BDKRB2: variants seen among roughly 807,000 people sequenced by gnomAD.
BDKRB2 encodes the protein B2 bradykinin receptor.
Under a neutral mutation model 4.0 loss-of-function variants are expected in BDKRB2, and 6 were observed. The observed-to-expected ratio is 1.49, with a 90% CI of 0.81 to 2.93. BDKRB2 has a LOEUF of 2.93. BDKRB2 is among the 30% of genes most tolerant of loss of function. The pLI is 0.00. For synonymous variants in BDKRB2, 225 were observed against 215.3 expected (o/e 1.05, Z -0.40); for missense variants, 478 against 520.1 (o/e 0.92, Z 0.79).
intron 1 of BDKRB2, among the ~76,000 whole-genome samples, chr14:96,205,594 G>A (rs1260634825): frequency 1.3e-5 from 2 of 152,188 alleles, no homozygotes; most frequent in Admixed American, 6.5e-5. Flanking sequence ...TGGCTGACCA[G>A]GGCAGGGGGA....
intron 1 of BDKRB2, among the ~76,000 whole-genome samples, chr14:96,220,454 G>A (rs1890531900): frequency 1.3e-5 from 2 of 152,086 alleles, no homozygotes; most frequent in African/African-American, 4.8e-5. Flanking sequence ...AAAATACAAG[G>A]AAGCTGACAG....
intron 1 of BDKRB2, among the ~76,000 whole-genome samples, chr14:96,208,689 A>T (rs990917117): frequency 6.6e-6 from 1 of 152,186 alleles, no homozygotes; most frequent in Non-Finnish European, 1.5e-5. Flanking sequence ...GGTGTCCAGA[A>T]AAAAGCCCTG....
At chr14:96,219,172 T>C (rs1339455139) in intron 1 of BDKRB2, among the ~76,000 whole-genome samples, 1 of 150,858 alleles carries the variant, frequency 6.6e-6, no homozygotes, top group Admixed American at 6.6e-5. Flanking sequence ...CGTGGTAGCA[T>C]GCTGCTGTAA....
At chr14:96,237,762 C>T in intron 2 of BDKRB2, 3 of 1,289,772 alleles carry the variant, frequency 2.3e-6, no homozygotes, top group South Asian at 1.2e-5. Context: ...CAGCTGGGGC[C>T]ACAGTGCACT....
chr14:96,237,854 A>T, intron 2 of BDKRB2: 4 of 1,289,280 alleles, frequency 3.1e-6, no homozygotes, highest in Non-Finnish European at 4.0e-6. Flanking sequence ...ATGGGCCAGG[A>T]TCCATCCCCT....
At position 96,240,876 on chromosome 14, in the gene BDKRB2, G is replaced by A. The variant is rs1210181426; in HGVS notation, c.548G>A (p.Gly183Glu). The A allele has an allele frequency of 2.5e-6, 4 of 1,590,008 alleles. No individual in the cohort carries two copies. Among genetic ancestry groups the A allele is most frequent in the Non-Finnish European group, 1.7e-6 (2 of 1,168,736 alleles). The change falls in exon 3 of 3, where the codon GGG becomes GAG. Residue 183 changes from glycine (G) to glutamate (E), a missense_variant. Coordinates refer to ENST00000554311, the MANE Select transcript of BDKRB2 (RefSeq NM_001379692.1). ...WAKLYSLVIWGCTLLLSSPML... is the reference protein window; with the variant it reads ...WAKLYSLVIWECTLLLSSPML... ...AAGCTCTACAGCTTGGTGATCTGGG[G>A]GTGTACGCTGCTCCTGAGCTCACCC...
intron 1 of BDKRB2, 95 bp from the exon 2 acceptor site, chr14:96,236,974 T>C (rs1890949252): frequency 1.3e-6 from 1 of 762,516 alleles, no homozygotes; most frequent in Admixed American, 1.8e-5. Flanking sequence ...AGTCAGGGAC[T>C]CAGCAGTCTC....
Position 96,240,535 on chromosome 14 carries a change from G to A in BDKRB2, c.207G>A (p.Val69=), listed in dbSNP as rs1446912473. The change falls in exon 3 of 3, where the codon GTG becomes GTA. Residue 69 remains valine (V), a synonymous_variant. Coordinates refer to ENST00000554311, the MANE Select transcript of BDKRB2 (RefSeq NM_001379692.1). Reference sequence around the variant, plus strand: ...CCCCCTTCCTCTGGGTGCTGTTCGTGCTGGCCACCCTAGAGAACATCTTTG... The same window carrying A: ...CCCCCTTCCTCTGGGTGCTGTTCGTACTGGCCACCCTAGAGAACATCTTTG... ...IQPPFLWVLF[V]LATLENIFVL... 2 of 1,582,488 alleles carry A rather than the reference G, an allele frequency of 1.3e-6. No homozygotes were observed. Among genetic ancestry groups the A allele is most frequent in the Admixed American group, 3.6e-5 (2 of 55,476 alleles).
chr14:96,219,414 G>A (rs942866524), intron 1 of BDKRB2, among the ~76,000 whole-genome samples: 10 of 151,994 alleles, frequency 6.6e-5, no homozygotes, highest in Non-Finnish European at 1.0e-4. Context: ...TCACAGGGGA[G>A]GGGTGGGGAC....
chr14:96,229,806 TATTAA>T (rs1245398072), intron 1 of BDKRB2, among the ~76,000 whole-genome samples: 1 of 152,128 alleles, frequency 6.6e-6, no homozygotes, highest in African/African-American at 2.4e-5. Flanking sequence ...GCTGTGGCAC[TATTAA>T]ATTAAATTAA....
At chr14:96,239,290 G>A (rs549255548) in intron 2 of BDKRB2, 360 of 974,504 alleles carry the variant, frequency 3.7e-4, no homozygotes, top group Non-Finnish European at 4.3e-4. Context: ...GAAATGCAAA[G>A]CGATTCAGGA....
At position 96,237,599 on chromosome 14, in the gene BDKRB2, G is replaced by C. The variant is rs566235273; in HGVS notation, c.74+418G>C. 13 of 1,201,894 alleles carry C rather than the reference G, an allele frequency of 1.1e-5. No homozygotes were observed. In the African/African-American group the frequency reaches 1.6e-4, roughly 15 times the overall value. 74.5% of individuals were successfully genotyped at this position (1,201,894 alleles called of 1,614,324 possible). A position where few individuals can be genotyped will look rare whatever the true frequency, so the allele number is the denominator to read the frequency against. ...ACCCTAAAGAGAGAATTTAAGGGGA[G>C]GGGGAGGAGGACCTGAGCCAGAGTA... On this transcript the variant is annotated intron_variant, in intron 2 of 2. Transcript: ENST00000554311.
rs1450458594 is a variant in BDKRB2, at chr14:96,240,751, G to A, written c.423G>A (p.Leu141=). Residue 141 remains leucine (L), a synonymous_variant, in exon 3 of 3, where the codon CTG becomes CTA. Coordinates refer to ENST00000554311, the MANE Select transcript of BDKRB2 (RefSeq NM_001379692.1). ...RVVNAIISMN[L]YSSICFLMLV... ...TGAATGCCATTATCTCCATGAACCT[G>A]TACAGCAGCATCTGTTTCCTGATGC... 1 of 1,580,954 alleles carries A rather than the reference G, an allele frequency of 6.3e-7. No homozygotes were observed. The highest frequency in any genetic ancestry group is 1.8e-5 in the Admixed American group (1 of 54,758).
intron 1 of BDKRB2, among the ~76,000 whole-genome samples, chr14:96,224,649 C>T (rs1289654038): frequency 6.6e-6 from 1 of 152,190 alleles, no homozygotes; most frequent in Non-Finnish European, 1.5e-5. Context: ...TCAGGCATGA[C>T]CTGAATGTTC....
chr14:96,215,291 G>A (rs1330757412), intron 1 of BDKRB2, among the ~76,000 whole-genome samples: 2 of 152,172 alleles, frequency 1.3e-5, no homozygotes, highest in Admixed American at 6.5e-5. Flanking sequence ...TGAACTCTTA[G>A]AAGCATCCTT....
At chr14:96,222,960 C>A in intron 1 of BDKRB2, 2 of 567,512 alleles carry the variant, frequency 3.5e-6, no homozygotes, top group Non-Finnish European at 6.4e-6. Flanking sequence ...TTGGACATCA[C>A]CGACCGCTCT....
In BDKRB2 at chr14:96,241,011, T is replaced by C; in HGVS notation, c.683T>C (p.Leu228Pro). 6.2e-7 allele frequency: 1 copy of C among 1,605,614 alleles called. No individual in the cohort carries two copies. Among genetic ancestry groups the C allele is most frequent in the Non-Finnish European group, 8.5e-7 (1 of 1,173,634 alleles). The change falls in exon 3 of 3, where the codon CTG becomes CCG. Residue 228 changes from leucine to proline, a missense_variant. Transcript: ENST00000554311. The stretch of plus-strand genomic sequence containing the variant: ...TGGGAAGTGTTCACCAACATGCTCC[T>C]GAATGTCGTGGGCTTCCTGCTGCCC... ...LIWEVFTNMLLNVVGFLLPLS... is the reference protein window; with the variant it reads ...LIWEVFTNMLPNVVGFLLPLS...
In BDKRB2 at chr14:96,226,478, A is replaced by G. The variant is rs1413677260; in HGVS notation, c.-39-10591A>G. Among the ~76,000 whole-genome samples, 7 of 152,060 alleles carry G rather than the reference A, an allele frequency of 4.6e-5. No individual in the cohort carries two copies. In the South Asian group the frequency reaches 1.5e-3, roughly 32 times the overall value. On this transcript the variant is annotated intron_variant, in intron 1 of 2. Transcript: ENST00000554311. ...AGACCAGCCTGACCAACATGGAGAA[A>G]CCCCCGTCTCTACTAAAAATACAAA...
At chr14:96,227,107 C>G (rs1182091358) in intron 1 of BDKRB2, among the ~76,000 whole-genome samples, 2 of 152,184 alleles carry the variant, frequency 1.3e-5, no homozygotes, top group African/African-American at 4.8e-5. Flanking sequence ...CCTCTCGAGG[C>G]CTCAGTTTTC....
Sources: gnomAD v4.1 joint callset for allele counts (sites outside exome capture counted in the v4.1 genomes callset) on GRCh38, gnomAD v4.1.1 for gene constraint, MANE v1.5 for transcripts, NCBI Gene and HGNC (gene_info 2026-07-23, HGNC 2026-07-21) for gene names.